The following PCDH15 variants were observed in gnomAD, a reference collection of about 807,000 sequenced individuals.
PCDH15 encodes the protein protocadherin-15.
PCDH15 carries 129 observed loss-of-function variants against 178.5 expected under a neutral mutation model. The observed-to-expected ratio is 0.72, with a 90% CI of 0.63 to 0.84. PCDH15 has a LOEUF of 0.84. Among genes scored for constraint, PCDH15 ranks in the 40% least tolerant of loss-of-function variants. The pLI is 0.00. For missense variants in PCDH15, 2,230 were observed against 2,099.9 expected (o/e 1.06, Z -1.21); for synonymous variants, 800 against 732.0 (o/e 1.09, Z -1.50).
intron 1 of PCDH15, among the ~76,000 whole-genome samples, chr10:54,674,110 G>C (rs1172721788): frequency 6.6e-6 from 1 of 152,114 alleles, no homozygotes; most frequent in African/African-American, 2.4e-5. Flanking sequence ...TGCAGAGGCA[G>C]AATCAACATT....
intron 2 of PCDH15, among the ~76,000 whole-genome samples, chr10:55,458,576 A>G (rs1022808056): frequency 6.6e-6 from 1 of 152,066 alleles, no homozygotes; most frequent in Non-Finnish European, 1.5e-5. Context: ...TGGCAAATAA[A>G]TAAGAAACAC....
chr10:54,342,650 A>T (rs550054263), intron 6 of PCDH15, among the ~76,000 whole-genome samples: 1 of 152,266 alleles, frequency 6.6e-6, no homozygotes, highest in South Asian at 2.1e-4. Flanking sequence ...AGAATGATAG[A>T]TCCACAGACA....
chr10:55,573,232 CAAAGGTAA>C, intron 2 of PCDH15, among the ~76,000 whole-genome samples: 1 of 151,964 alleles, frequency 6.6e-6, no homozygotes, highest in East Asian at 1.9e-4. Flanking sequence ...GTTAAAGCAA[CAAAGGTAA>C]ATGTAATTAG....
chr10:54,625,656 C>G (rs2093524702), intron 2 of PCDH15, among the ~76,000 whole-genome samples: 1 of 152,202 alleles, frequency 6.6e-6, no homozygotes, highest in Non-Finnish European at 1.5e-5. Flanking sequence ...CCACATGGAA[C>G]TGCGAGTTCT....
At chr10:54,935,942 T>C (rs1435640405) in intron 2 of PCDH15, among the ~76,000 whole-genome samples, 2 of 152,122 alleles carry the variant, frequency 1.3e-5, no homozygotes, top group Non-Finnish European at 2.9e-5. Flanking sequence ...TCAGTGATTT[T>C]AGTGAATTCA....
intron 2 of PCDH15, 52 bp from the exon 3 acceptor site, chr10:54,527,929 ATGAGAAAAAAATT>A: frequency 7.0e-7 from 1 of 1,433,908 alleles, no homozygotes; most frequent in Non-Finnish European, 9.8e-7. Context: ...GGCACACACA[ATGAGAAAAAAATT>A]CATTGAGATG....
chr10:54,897,290 C>A (rs1013945297), intron 3 of PCDH15, among the ~76,000 whole-genome samples: 1 of 152,270 alleles, frequency 6.6e-6, no homozygotes, highest in Admixed American at 6.5e-5. Context: ...AGGGAAAGAA[C>A]AATCACAACG....
intron 2 of PCDH15, among the ~76,000 whole-genome samples, chr10:55,364,178 C>T (rs933328740): frequency 3.3e-5 from 5 of 152,092 alleles, no homozygotes; most frequent in Admixed American, 6.6e-5. Flanking sequence ...TTCCCCTTCC[C>T]CTTCTGCCAT....
At position 55,602,580 on chromosome 10, in the gene PCDH15, G is replaced by A. The variant is rs369734852; in HGVS notation, c.-156+25045C>T. ...TGCCTCCTCAAGTGGGTCCCTGACCGCTGACCCCCGAGCAGCCTAACTGGG... is the reference window on the plus strand; with the variant it reads ...TGCCTCCTCAAGTGGGTCCCTGACCACTGACCCCCGAGCAGCCTAACTGGG... On this transcript the variant is annotated intron_variant, in intron 2 of 5. Transcript: ENST00000613346. Among the ~76,000 whole-genome samples, 4 of 151,410 alleles carry A rather than the reference G, an allele frequency of 2.6e-5. No homozygotes were observed. In the East Asian group the frequency reaches 7.8e-4, roughly 29 times the overall value.
intron 2 of PCDH15, among the ~76,000 whole-genome samples, chr10:55,377,894 C>T (rs1837437871): frequency 6.6e-6 from 1 of 152,076 alleles, no homozygotes; most frequent in East Asian, 1.9e-4. Flanking sequence ...ATAATGAGGT[C>T]ATGTCCTTCG....
intron 8 of PCDH15, among the ~76,000 whole-genome samples, chr10:54,312,998 TATGTTAAG>T (rs1055453816): frequency 2.0e-5 from 3 of 152,082 alleles, no homozygotes; most frequent in Admixed American, 1.3e-4. Flanking sequence ...TTTTTCAAAG[TATGTTAAG>T]GAATGGCTCA....
chr10:54,368,341 G>A (rs1018167845), intron 5 of PCDH15, among the ~76,000 whole-genome samples: 6 of 151,862 alleles, frequency 4.0e-5, no homozygotes, highest in African/African-American at 1.4e-4. Flanking sequence ...ATCTTGAAAT[G>A]AAAAGATGGT....
At chr10:54,709,551 G>A (rs532672973) in intron 1 of PCDH15, among the ~76,000 whole-genome samples, 4 of 124,756 alleles carry the variant, frequency 3.2e-5, no homozygotes, top group South Asian at 2.5e-4. Context: ...CCTGGCACAA[G>A]GAAACAAGGA....
chr10:55,338,657 A>C (rs1844465758), intron 2 of PCDH15, among the ~76,000 whole-genome samples: 2 of 152,076 alleles, frequency 1.3e-5, no homozygotes, highest in Non-Finnish European at 2.9e-5. Context: ...AATCCCTGCC[A>C]CTTGGGATGC....
intron 21 of PCDH15, among the ~76,000 whole-genome samples, chr10:53,976,133 T>A (rs779892532): frequency 6.6e-6 from 1 of 152,182 alleles, no homozygotes; most frequent in Non-Finnish European, 1.5e-5. Context: ...TATGTGTTTG[T>A]TTTTGTACCA....
At chr10:55,343,074 G>C (rs1844646720) in intron 2 of PCDH15, among the ~76,000 whole-genome samples, 1 of 152,156 alleles carries the variant, frequency 6.6e-6, no homozygotes, top group African/African-American at 2.4e-5. Context: ...CTGAACAAAA[G>C]GACCTGACAA....
intron 2 of PCDH15, among the ~76,000 whole-genome samples, chr10:55,116,283 T>C (rs921697299): frequency 2.0e-5 from 3 of 152,206 alleles, no homozygotes; most frequent in African/African-American, 7.2e-5. Flanking sequence ...CTAAAATCTA[T>C]TAAGATTATT....
chr10:55,222,801 A>G (rs1840924314), intron 1 of PCDH15, among the ~76,000 whole-genome samples: 1 of 146,566 alleles, frequency 6.8e-6, no homozygotes, highest in Non-Finnish European at 1.5e-5. Flanking sequence ...GTTTTGGGAT[A>G]TTGTTTTCCC....
intron 3 of PCDH15, among the ~76,000 whole-genome samples, chr10:54,873,796 T>G (rs1954084881): frequency 2.0e-5 from 3 of 148,216 alleles, no homozygotes; most frequent in African/African-American, 7.4e-5. Flanking sequence ...TATATATATA[T>G]GTTGGCTCTA....
Sources: gnomAD v4.1 joint callset for allele counts (sites outside exome capture counted in the v4.1 genomes callset) on GRCh38, gnomAD v4.1.1 for gene constraint, MANE v1.5 for transcripts, NCBI Gene and HGNC (gene_info 2026-07-23, HGNC 2026-07-21) for gene names.